Variants in TMOD3 observed in about 807,000 individuals in gnomAD.
TMOD3 encodes tropomodulin-3.
Under a neutral mutation model 39.2 loss-of-function variants are expected in TMOD3, and 20 were observed. That is an observed-to-expected ratio of 0.51 (90% CI 0.36 to 0.74). TMOD3 has a LOEUF of 0.74. Ranked by LOEUF, TMOD3 falls within the 30% of genes least tolerant of loss-of-function variation. The pLI is 0.00. For synonymous variants in TMOD3, 143 were observed against 145.8 expected (o/e 0.98, Z 0.14); for missense variants, 381 against 412.8 (o/e 0.92, Z 0.67).
At chr15:51,864,983 TA>T (rs1164789367) in intron 2 of TMOD3, among the ~76,000 whole-genome samples, 2 of 151,924 alleles carry the variant, frequency 1.3e-5, no homozygotes, top group East Asian at 1.9e-4. Flanking sequence ...ACTCAGAAAA[TA>T]AAAAACATGA....
intron 3 of TMOD3, among the ~76,000 whole-genome samples, chr15:51,880,663 TC>T (rs2056528169): frequency 6.6e-6 from 1 of 152,238 alleles, no homozygotes; most frequent in Non-Finnish European, 1.5e-5. Flanking sequence ...TGTCAATACT[TC>T]ATTCTTTTTT....
chr15:51,853,639 T>A (rs2056373035), intron 1 of TMOD3, among the ~76,000 whole-genome samples: 2 of 152,136 alleles, frequency 1.3e-5, no homozygotes, highest in Non-Finnish European at 2.9e-5. Flanking sequence ...ATAATGGATG[T>A]ATATATAAAG....
Position 51,862,954 on chromosome 15 carries a change from C to A in TMOD3, c.70C>A (p.Leu24Met), listed in dbSNP as rs34709073. ...DLDEDELLGN[L>M]SETELKQLET... ...TGATGAAGATGAGCTCCTTGGGAAT[C>A]TGTCAGAAACAGAACTGAAACAACT... The change falls in exon 2 of 10, where the codon CTG (leucine) becomes ATG (methionine). Residue 24 changes from leucine to methionine, a missense_variant. Transcript: ENST00000308580. 3.7e-6 allele frequency: 6 copies of A among 1,613,924 alleles called. No homozygotes were observed. The African/African-American group carries it at 8.0e-5, about 22-fold the overall frequency.
rs1031294128 is a variant in TMOD3 at position 51,910,705 on chromosome 15, A to G, written c.*1895A>G. 1.3e-5 allele frequency: 2 copies of G among 150,644 alleles called. No homozygotes were observed. The highest frequency in any genetic ancestry group is 1.3e-4 in the Admixed American group (2 of 15,132). 9.3% of individuals were successfully genotyped at this position (150,644 alleles called of 1,614,324 possible). A position where few individuals can be genotyped will look rare whatever the true frequency, so the allele number is the denominator to read the frequency against. The stretch of plus-strand genomic sequence containing the variant: ...TGCTATGGTAATAAGCCTTCTTAAC[A>G]GGCTAAGCTTCCCTCATAAGAACTG... On this transcript the variant is annotated 3_prime_UTR_variant, in exon 10 of 10. Coordinates refer to ENST00000308580, the MANE Select transcript of TMOD3 (RefSeq NM_014547.5).
At chr15:51,837,398 C>T (rs2141666507) in intron 1 of TMOD3, among the ~76,000 whole-genome samples, 1 of 151,966 alleles carries the variant, frequency 6.6e-6, no homozygotes, top group East Asian at 1.9e-4. Context: ...ATAATTAACC[C>T]AGGTTAATAC....
intron 1 of TMOD3, among the ~76,000 whole-genome samples, chr15:51,842,443 G>A (rs534342451): frequency 6.6e-6 from 1 of 152,298 alleles, no homozygotes; most frequent in East Asian, 1.9e-4. Context: ...TGGTGTGTAA[G>A]TCATCTTGCC....
intron 2 of TMOD3, 152 bp downstream of exon 2, chr15:51,863,162 G>A: frequency 4.4e-6 from 3 of 682,830 alleles, no homozygotes; most frequent in Non-Finnish European, 7.2e-6. Context: ...TCTCTCTCCA[G>A]TTCCCCACTT....
Position 51,912,684 on chromosome 15 carries a change from A to G in TMOD3, c.*3874A>G, listed in dbSNP as rs1240169208. 1 of 152,094 alleles carries G rather than the reference A, an allele frequency of 6.6e-6. No individual in the cohort carries two copies. The highest frequency in any genetic ancestry group is 1.5e-5 in the Non-Finnish European group (1 of 68,038). The allele number at this position is 152,094 out of a possible 1,614,324, so 9.4% of individuals were successfully genotyped here. ...CACTTCCATTCTTTGCAAGTTTAGTACTGCCCAAATTTACTCATTCTACAG... is the reference window on the plus strand; with the variant it reads ...CACTTCCATTCTTTGCAAGTTTAGTGCTGCCCAAATTTACTCATTCTACAG... On this transcript the variant is annotated 3_prime_UTR_variant, in exon 10 of 10. Coordinates refer to ENST00000308580, the MANE Select transcript of TMOD3 (RefSeq NM_014547.5).
At chr15:51,890,732 C>T (rs1030608251) in intron 5 of TMOD3, among the ~76,000 whole-genome samples, 16 of 152,180 alleles carry the variant, frequency 1.1e-4, no homozygotes, top group Non-Finnish European at 2.4e-4. Context: ...TATACATCTA[C>T]ATCATTCAGA....
At chr15:51,853,475 A>G (rs1003655723) in intron 1 of TMOD3, among the ~76,000 whole-genome samples, 2 of 152,224 alleles carry the variant, frequency 1.3e-5, no homozygotes, top group African/African-American at 4.8e-5. Flanking sequence ...TGCTGGGATG[A>G]CAGGCGTGAG....
chr15:51,901,766 A>G, intron 8 of TMOD3, 126 bp from the exon 9 acceptor site: 1 of 927,058 alleles, frequency 1.1e-6, no homozygotes, highest in South Asian at 1.8e-5. Flanking sequence ...AACTATGTAT[A>G]TGTTGTAGGA....
At chr15:51,862,097 A>G (rs1026585319) in intron 1 of TMOD3, among the ~76,000 whole-genome samples, 9 of 152,114 alleles carry the variant, frequency 5.9e-5, no homozygotes, top group African/African-American at 1.9e-4. Flanking sequence ...TAGAGCTACT[A>G]TTAACCTGCT....
rs563394436 is a variant in TMOD3, at chr15:51,883,682, A to G, written c.284-3907A>G. ...CATCAGAATCCCTGGAGAGCTTTAA[A>G]AAATTCAGCTGCCCATGCAGCATAC... On this transcript the variant is annotated intron_variant, in intron 3 of 9. Coordinates refer to ENST00000308580, the MANE Select transcript of TMOD3 (RefSeq NM_014547.5). Among the ~76,000 whole-genome samples, 8 of 152,334 alleles carry G rather than the reference A, an allele frequency of 5.3e-5. No homozygotes were observed. In the East Asian group the frequency reaches 1.5e-3, roughly 29 times the overall value.
intron 5 of TMOD3, among the ~76,000 whole-genome samples, chr15:51,893,537 C>T (rs116612396): frequency 0.01 from 1,532 of 152,002 alleles, 21 homozygotes; most frequent in African/African-American, 0.035. Context: ...GAGGCTGAGG[C>T]GGGTTGATAC....
chr15:51,862,581 T>G (rs1426081806), intron 1 of TMOD3, among the ~76,000 whole-genome samples: 1 of 152,246 alleles, frequency 6.6e-6, no homozygotes, highest in African/African-American at 2.4e-5. Context: ...AGTGGCTGCC[T>G]TAATGGATTT....
chr15:51,896,780 T>A (rs569916455), intron 7 of TMOD3, among the ~76,000 whole-genome samples: 1 of 152,322 alleles, frequency 6.6e-6, no homozygotes, highest in African/African-American at 2.4e-5. Context: ...TATATGCTGT[T>A]CTGCAACTTG....
At chr15:51,849,200 T>TC (rs1214869622) in intron 1 of TMOD3, among the ~76,000 whole-genome samples, 1 of 152,180 alleles carries the variant, frequency 6.6e-6, no homozygotes, top group Non-Finnish European at 1.5e-5. Flanking sequence ...CAAAGTTGAC[T>TC]CCAAGATTTT....
At chr15:51,839,019 G>T (rs1316119352) in intron 1 of TMOD3, among the ~76,000 whole-genome samples, 1 of 152,156 alleles carries the variant, frequency 6.6e-6, no homozygotes, top group African/African-American at 2.4e-5. Context: ...TGGAATAAGG[G>T]GTGGGTCCCC....
chr15:51,859,486 T>A (rs138723029), intron 1 of TMOD3: 78 of 655,780 alleles, frequency 1.2e-4, no homozygotes, highest in Non-Finnish European at 1.8e-4. Flanking sequence ...TGTAAACTTT[T>A]ATACACAGCT....
Sources: gnomAD v4.1 joint callset for allele counts (sites outside exome capture counted in the v4.1 genomes callset) on GRCh38, gnomAD v4.1.1 for gene constraint, MANE v1.5 for transcripts, NCBI Gene and HGNC (gene_info 2026-07-23, HGNC 2026-07-21) for gene names.